Variants in KSR2 observed in about 807,000 individuals in gnomAD.
The protein encoded by KSR2 is kinase suppressor of ras 2.
A neutral mutation model predicts 107.8 loss-of-function variants in KSR2; 25 were observed. The observed-to-expected ratio is 0.23, with a 90% confidence interval of 0.17 to 0.32. The LOEUF (loss-of-function observed/expected upper bound fraction) is 0.32, where lower values mean the gene tolerates loss of function less well. Ranked by LOEUF, KSR2 falls within the 10% of genes least tolerant of loss-of-function variation. The pLI is 1.00. For missense variants in KSR2, 887 were observed against 1,268.9 expected, an observed-to-expected ratio of 0.70 and a Z score of 4.57; for synonymous variants, 480 against 507.0, an observed-to-expected ratio of 0.95 and a Z score of 0.71.
At chr12:117,765,673 C>T (rs1303973414) in intron 3 of KSR2, among the ~76,000 whole-genome samples, 1 of 152,034 alleles carries the variant, frequency 6.6e-6, no homozygotes, top group Admixed American at 6.5e-5. Context: ...AGTAGATGAA[C>T]AAATTTATCA....
At chr12:117,712,070 G>A (rs188416900) in intron 4 of KSR2, among the ~76,000 whole-genome samples, 21 of 152,328 alleles carry the variant, frequency 1.4e-4, no homozygotes, top group Admixed American at 1.3e-3. Context: ...GTCCAGAAAA[G>A]GGGCTTCAAG....
intron 4 of KSR2, among the ~76,000 whole-genome samples, chr12:117,730,001 A>G (rs1224633543): frequency 6.6e-6 from 1 of 152,134 alleles, no homozygotes; most frequent in Non-Finnish European, 1.5e-5. Flanking sequence ...GCCTGCAACA[A>G]TTTCCGAAAG....
chr12:117,645,229 A>C (rs1343474528), intron 5 of KSR2, among the ~76,000 whole-genome samples: 2 of 152,252 alleles, frequency 1.3e-5, no homozygotes, highest in African/African-American at 4.8e-5. Context: ...AAGAAAGAGA[A>C]AGAATGTGTG....
At chr12:117,848,196 A>G (rs1246116553) in intron 3 of KSR2, among the ~76,000 whole-genome samples, 1 of 152,224 alleles carries the variant, frequency 6.6e-6, no homozygotes, top group Non-Finnish European at 1.5e-5. Flanking sequence ...AGAGAGAAAA[A>G]GAACAGCAGA....
intron 16 of KSR2, among the ~76,000 whole-genome samples, chr12:117,481,099 A>G (rs1358847481): frequency 6.6e-6 from 1 of 152,122 alleles, no homozygotes; most frequent in Non-Finnish European, 1.5e-5. Context: ...ATGCTAAAAT[A>G]TCCTTCCACA....
At chr12:117,522,574 C>T (rs140479286) in intron 14 of KSR2, among the ~76,000 whole-genome samples, 13 of 152,336 alleles carry the variant, frequency 8.5e-5, no homozygotes, top group African/African-American at 2.4e-4. Context: ...ATTGTCCCCA[C>T]CCTGCATCCA....
At chr12:117,652,094 G>A (rs1438359017) in intron 5 of KSR2, among the ~76,000 whole-genome samples, 1 of 152,154 alleles carries the variant, frequency 6.6e-6, no homozygotes, top group African/African-American at 2.4e-5. Flanking sequence ...TCATTGATAT[G>A]TGGGAACTAA....
chr12:117,891,185 C>G (rs1185575814), intron 1 of KSR2, among the ~76,000 whole-genome samples: 2 of 151,864 alleles, frequency 1.3e-5, no homozygotes, highest in Non-Finnish European at 2.9e-5. Context: ...GGAGGCCAAG[C>G]CACGCAGATC....
intron 7 of KSR2, among the ~76,000 whole-genome samples, chr12:117,559,079 G>T (rs945914285): frequency 2.0e-5 from 3 of 151,932 alleles, no homozygotes; most frequent in African/African-American, 7.3e-5. Context: ...TGGATGGATG[G>T]ATGGTGGATG....
chr12:117,508,452 G>T (rs1344573405), intron 14 of KSR2, among the ~76,000 whole-genome samples: 1 of 152,202 alleles, frequency 6.6e-6, no homozygotes, highest in African/African-American at 2.4e-5. Flanking sequence ...AGTAATGATG[G>T]GTGAGTGGAT....
At chr12:117,729,010 G>A (rs550469821) in intron 4 of KSR2, among the ~76,000 whole-genome samples, 11 of 152,174 alleles carry the variant, frequency 7.2e-5, no homozygotes, top group East Asian at 1.9e-4. Flanking sequence ...CCATAAATGC[G>A]AGTTTCCTTT....
chr12:117,584,930 C>T (rs1453965603), intron 5 of KSR2, among the ~76,000 whole-genome samples: 1 of 152,218 alleles, frequency 6.6e-6, no homozygotes, highest in Non-Finnish European at 1.5e-5. Flanking sequence ...CAATGAATAA[C>T]TCTGCAATTG....
At chr12:117,934,600 C>T (rs943505107) in intron 1 of KSR2, among the ~76,000 whole-genome samples, 1 of 152,200 alleles carries the variant, frequency 6.6e-6, no homozygotes, top group Non-Finnish European at 1.5e-5. Flanking sequence ...AGCCAAAGAA[C>T]TCCCCATTTT....
At chr12:117,492,256 G>C (rs1872785047) in intron 14 of KSR2, among the ~76,000 whole-genome samples, 1 of 152,212 alleles carries the variant, frequency 6.6e-6, no homozygotes, top group Non-Finnish European at 1.5e-5. Flanking sequence ...CAACCTAAAA[G>C]GGGCTTGTCA....
rs12826831 is a variant in KSR2 at position 117,632,478 on chromosome 12, G to A, written c.1171+34996C>T. Reference sequence around the variant, plus strand: ...CCTGACTTCATGATCAACCTGCCTCGGCCTCCCAAAGTGCTGGGATTACAG... The same window carrying A: ...CCTGACTTCATGATCAACCTGCCTCAGCCTCCCAAAGTGCTGGGATTACAG... On this transcript the variant is annotated intron_variant, in intron 5 of 19. Transcript: ENST00000339824. 6.0e-3 allele frequency among the ~76,000 whole-genome samples: 917 copies of A among 151,778 alleles called. 1 individual carries two copies. The highest frequency in any genetic ancestry group is 8.7e-3 in the Non-Finnish European group (592 of 67,904).
chr12:117,701,184 T>C (rs1171270733), intron 4 of KSR2, among the ~76,000 whole-genome samples: 2 of 152,040 alleles, frequency 1.3e-5, no homozygotes, highest in Non-Finnish European at 2.9e-5. Flanking sequence ...ACCTCCTGGG[T>C]TTAAGGGGAT....
At chr12:117,578,860 C>T (rs145222331) in intron 7 of KSR2, among the ~76,000 whole-genome samples, 22 of 152,282 alleles carry the variant, frequency 1.4e-4, no homozygotes, top group African/African-American at 4.3e-4. Context: ...GTTATGAAAA[C>T]GAGAAGTATC....
rs1870462520 is a variant in KSR2 at position 117,453,926 on chromosome 12, C to T, written c.*13273G>A. 6.6e-6 allele frequency: 1 copy of T among 151,984 alleles called. No homozygotes were observed. The highest frequency in any genetic ancestry group is 1.5e-5 in the Non-Finnish European group (1 of 68,032). 9.4% of individuals were successfully genotyped at this position (151,984 alleles called of 1,614,324 possible). A position where few individuals can be genotyped will look rare whatever the true frequency, so the allele number is the denominator to read the frequency against. On this transcript the variant is annotated 3_prime_UTR_variant, in exon 20 of 20. Transcript: ENST00000339824. ...GGGGGCTGGTCTTGCCAGAGACTCTCTCACATCCTAAGAGACCTCTGCCTT... is the reference window on the plus strand; with the variant it reads ...GGGGGCTGGTCTTGCCAGAGACTCTTTCACATCCTAAGAGACCTCTGCCTT...
Position 117,522,338 on chromosome 12 carries a change from G to A in KSR2, c.2219+2514C>T, listed in dbSNP as rs1298158080. ...TAGGTAATGCTGAACAGGGAGGCAG[G>A]AGGGTGGTAAGGAACTGACCAGACA... is the stretch of plus-strand genomic sequence containing the variant. On this transcript the variant is annotated intron_variant, in intron 14 of 19. Coordinates refer to ENST00000339824, the MANE Select transcript of KSR2 (RefSeq NM_173598.6). 2.6e-5 allele frequency among the ~76,000 whole-genome samples: 4 copies of A among 152,242 alleles called. 1 individual carries two copies. The highest frequency in any genetic ancestry group is 4.1e-4 in the South Asian group (2 of 4,824).
Sources: gnomAD v4.1 joint callset for allele counts (sites outside exome capture counted in the v4.1 genomes callset) on GRCh38, gnomAD v4.1.1 for gene constraint, MANE v1.5 for transcripts, NCBI Gene and HGNC (gene_info 2026-07-23, HGNC 2026-07-21) for gene names.